Variants in SNX29 observed in about 807,000 individuals in gnomAD.
SNX29 encodes sorting nexin 29, also known as sorting nexin-29.
A neutral mutation model predicts 102.1 loss-of-function variants in SNX29; 78 were observed. The observed-to-expected ratio is 0.76, with a 90% confidence interval of 0.64 to 0.92. SNX29 has a LOEUF of 0.92. SNX29 is among the 40% of genes least tolerant of loss of function. The probability of loss-of-function intolerance (pLI) is 0.00; values close to 1 mark genes in which losing one functional copy is unlikely to be tolerated. For missense variants in SNX29, 1,280 were observed against 1,061.7 expected, an observed-to-expected ratio of 1.21 and a Z score of -2.86; for synonymous variants, 580 against 414.5, an observed-to-expected ratio of 1.40 and a Z score of -4.85.
intron 19 of SNX29, among the ~76,000 whole-genome samples, chr16:12,505,655 G>A (rs919016326): frequency 1.3e-5 from 2 of 149,404 alleles, no homozygotes; most frequent in African/African-American, 4.9e-5. Flanking sequence ...AGTAGCTGTT[G>A]GAATTGAAAA....
chr16:12,021,891 A>C (rs543727797), intron 3 of SNX29, among the ~76,000 whole-genome samples: 4 of 140,258 alleles, frequency 2.9e-5, no homozygotes, highest in Non-Finnish European at 6.2e-5. Flanking sequence ...GCTCCATCTC[A>C]AAAAAAAAAA....
Position 12,569,833 on chromosome 16 carries a change from AAACT to A in SNX29, c.*1210_*1213del, listed in dbSNP as rs916652255. ...TTGTGGCAGTTTGCATTTCTAGGGT[AAACT>A]AACTAGGAAGGATGTCGTGAAATGG... On this transcript the variant is annotated 3_prime_UTR_variant, in exon 21 of 21. Transcript: ENST00000566228. 177 of 230,460 alleles carry A rather than the reference AAACT, an allele frequency of 7.7e-4. No individual in the cohort carries two copies. The highest frequency in any genetic ancestry group is 3.2e-3 in the African/African-American group (144 of 45,236). 14.3% of individuals were successfully genotyped at this position (230,460 alleles called of 1,614,324 possible).
chr16:12,213,250 C>T lies in SNX29; in HGVS notation c.1678+13567C>T, dbSNP rs139191948. On this transcript the variant is annotated intron_variant, in intron 14 of 20. Transcript: ENST00000566228. ...ACTCAGGAACAGAAAAATAGCACAT[C>T]CTCTAACTTAGAAGTGGGAGCCAAG... 4.5e-4 allele frequency among the ~76,000 whole-genome samples: 69 copies of T among 152,270 alleles called. 1 individual carries two copies. In the Middle Eastern group the frequency reaches 0.024, roughly 53 times the overall value.
rs1207643256 is a variant in SNX29, at chr16:12,570,255, C to T, written c.*1626C>T. The T allele has an allele frequency of 1.4e-5, 15 of 1,064,988 alleles. No individual in the cohort carries two copies. The highest frequency in any genetic ancestry group is 3.3e-5 in the African/African-American group (2 of 61,020). 66.0% of individuals were successfully genotyped at this position (1,064,988 alleles called of 1,614,324 possible). ...CCCGGTGAGACCAAATGAGCTGGAG[C>T]ATGTATGGAGGTGCGGACCCTGCAG... On this transcript the variant is annotated 3_prime_UTR_variant, in exon 21 of 21. Transcript: ENST00000566228.
At chr16:12,549,442 C>A (rs567549331) in intron 20 of SNX29, among the ~76,000 whole-genome samples, 1 of 152,140 alleles carries the variant, frequency 6.6e-6, no homozygotes, top group Non-Finnish European at 1.5e-5. Flanking sequence ...TTGCAGTGAC[C>A]TAAGATTGCA....
intron 18 of SNX29, among the ~76,000 whole-genome samples, chr16:12,436,620 C>G (rs112369911): frequency 0.011 from 1,722 of 152,326 alleles, 42 homozygotes; most frequent in African/African-American, 0.036. Context: ...TAGCCCCTGG[C>G]CTGCCATGAG....
chr16:12,510,206 G>A (rs1452171233), intron 19 of SNX29, among the ~76,000 whole-genome samples: 1 of 152,220 alleles, frequency 6.6e-6, no homozygotes, highest in East Asian at 1.9e-4. Flanking sequence ...ACAGGGTCAT[G>A]TATTCTACTG....
chr16:12,074,085 C>G (rs1341888262), intron 10 of SNX29, among the ~76,000 whole-genome samples: 1 of 151,778 alleles, frequency 6.6e-6, no homozygotes, highest in Non-Finnish European at 1.5e-5. Flanking sequence ...GATGGGTTTC[C>G]TGAATACAGC....
chr16:12,113,963 C>T (rs903376032), intron 11 of SNX29, among the ~76,000 whole-genome samples: 4 of 152,224 alleles, frequency 2.6e-5, no homozygotes, highest in African/African-American at 9.6e-5. Flanking sequence ...GTAGATGTAA[C>T]ATCTGAGACC....
rs2090190366 is a variant in SNX29, at chr16:12,523,785, C to A, written c.2179-917C>A. ...GCCCCTGATCACTGAGTGGTGGAAACTGCTCAGACCTGGGGACCTGTGCCT... is the reference window on the plus strand; with the variant it reads ...GCCCCTGATCACTGAGTGGTGGAAAATGCTCAGACCTGGGGACCTGTGCCT... On this transcript the variant is annotated intron_variant, in intron 19 of 20. Coordinates refer to ENST00000566228, the MANE Select transcript of SNX29 (RefSeq NM_032167.5). Among the ~76,000 whole-genome samples the A allele has an allele frequency of 2.6e-5, 4 of 152,310 alleles. No individual in the cohort carries two copies. The South Asian group carries it at 8.3e-4, about 32-fold the overall frequency.
intron 3 of SNX29, among the ~76,000 whole-genome samples, chr16:12,010,614 C>A (rs2056616292): frequency 6.6e-6 from 1 of 152,116 alleles, no homozygotes; most frequent in Non-Finnish European, 1.5e-5. Flanking sequence ...CGATGTGAGA[C>A]CTCGTCTCAA....
At chr16:12,380,838 C>A (rs1467828748) in intron 16 of SNX29, among the ~76,000 whole-genome samples, 1 of 52,868 alleles carries the variant, frequency 1.9e-5, no homozygotes, top group African/African-American at 5.1e-5. Flanking sequence ...CACCCACCCA[C>A]CCACCCACCA....
intron 15 of SNX29, among the ~76,000 whole-genome samples, chr16:12,305,708 T>C (rs2080316627): frequency 6.6e-6 from 1 of 152,236 alleles, no homozygotes; most frequent in Non-Finnish European, 1.5e-5. Flanking sequence ...GCCTGGGTGT[T>C]GTGTATCCAG....
At chr16:12,540,328 T>C (rs542928126) in intron 20 of SNX29, among the ~76,000 whole-genome samples, 1 of 152,280 alleles carries the variant, frequency 6.6e-6, no homozygotes, top group African/African-American at 2.4e-5. Context: ...ACCACAGCTC[T>C]TATGATTAAA....
Position 12,071,688 on chromosome 16 carries a change from T to C in SNX29, c.1319+2556T>C, listed in dbSNP as rs558728472. The stretch of plus-strand genomic sequence containing the variant: ...TGGTTCCATATGAACTTTAAAGTAG[T>C]TTTTTTCCAATTTGTGAAGAAAGTC... On this transcript the variant is annotated intron_variant, in intron 10 of 20. Coordinates refer to ENST00000566228, the MANE Select transcript of SNX29 (RefSeq NM_032167.5). Among the ~76,000 whole-genome samples the C allele has an allele frequency of 2.6e-5, 4 of 152,152 alleles. No homozygotes were observed. In the East Asian group the frequency reaches 7.7e-4, roughly 29 times the overall value.
intron 14 of SNX29, among the ~76,000 whole-genome samples, chr16:12,231,983 G>T (rs1469171026): frequency 6.6e-6 from 1 of 152,172 alleles, no homozygotes; most frequent in Non-Finnish European, 1.5e-5. Context: ...TGAGGACTTG[G>T]TATCAATAAA....
At chr16:12,099,120 A>G (rs554324421) in intron 11 of SNX29, among the ~76,000 whole-genome samples, 2 of 152,338 alleles carry the variant, frequency 1.3e-5, no homozygotes, top group African/African-American at 4.8e-5. Context: ...TGTTAGATAC[A>G]TGGCTGTGGC....
intron 11 of SNX29, chr16:12,088,324 G>T: frequency 2.8e-6 from 1 of 357,262 alleles, no homozygotes; most frequent in Non-Finnish European, 5.5e-6. Flanking sequence ...AGGGGGAGGT[G>T]CCACGTTGCC....
At chr16:12,042,467 G>A (rs1201663646) in intron 4 of SNX29, among the ~76,000 whole-genome samples, 6 of 152,074 alleles carry the variant, frequency 3.9e-5, no homozygotes, top group Non-Finnish European at 8.8e-5. Flanking sequence ...TTTTCCGTCT[G>A]TGCTCTCCTC....
Sources: allele counts gnomAD v4.1 joint callset (sites outside exome capture counted in the v4.1 genomes callset), GRCh38; gene constraint gnomAD v4.1.1; transcripts MANE v1.5; gene names NCBI Gene and HGNC (gene_info 2026-07-23, HGNC 2026-07-21).